Variants in TDRD12 observed in about 807,000 individuals in gnomAD.
TDRD12 encodes the protein putative ATP-dependent RNA helicase TDRD12.
TDRD12 carries 158 observed loss-of-function variants against 133.5 expected under a neutral mutation model. The observed-to-expected ratio is 1.18, with a 90% CI of 1.04 to 1.35. TDRD12 has a LOEUF of 1.35. Among genes scored for constraint, TDRD12 ranks in the 40% most tolerant of loss-of-function variants. The pLI is 0.00. For synonymous variants in TDRD12, 460 were observed against 477.9 expected, an observed-to-expected ratio of 0.96 and a Z score of 0.49; for missense variants, 1,443 against 1,321.3, an observed-to-expected ratio of 1.09 and a Z score of -1.43.
At chr19:32,806,651 C>CTTTATTTATTTA (rs563231946) in intron 21 of TDRD12, among the ~76,000 whole-genome samples, 9 of 150,616 alleles carry the variant, frequency 6.0e-5, no homozygotes, top group African/African-American at 2.0e-4. Flanking sequence ...CAAATACTGA[C>CTTTATTTATTTA]TTTATTTATT....
At chr19:32,732,144 C>T (rs35417602) in intron 2 of TDRD12, among the ~76,000 whole-genome samples, 38,030 of 152,102 alleles carry the variant, frequency 0.25, 5,108 homozygotes, top group Middle Eastern at 0.33. Flanking sequence ...GCTGGAATTA[C>T]AGGCATGGGC....
chr19:32,772,775 G>A (rs1450856110), exon 9 of TDRD12: 34 of 1,512,530 alleles, frequency 2.2e-5, no homozygotes, highest in Non-Finnish European at 2.9e-5. Flanking sequence ...AATGTAATAT[G>A]GATTCATTGA....
intron 6 of TDRD12, among the ~76,000 whole-genome samples, chr19:32,753,544 C>A (rs1003053968): frequency 6.6e-6 from 1 of 151,932 alleles, no homozygotes; most frequent in Admixed American, 6.6e-5. Flanking sequence ...CTTGCTGTCA[C>A]CCAGGCTGGA....
Position 32,800,640 on chromosome 19 carries a change from C to G in TDRD12, c.1951-4C>G, listed in dbSNP as rs1007040801. ...GTCACATTGTTTCTGTGCTTCATTA[C>G]CAGGTAGTACATCTTTGCCTAGAAT... On this transcript the variant is annotated splice_polypyrimidine_tract_variant and splice_region_variant and intron_variant, in intron 17 of 27. Transcript: ENST00000444215. The G allele has an allele frequency of 3.3e-6, 5 of 1,532,216 alleles. No homozygotes were observed. Among genetic ancestry groups the G allele is most frequent in the Non-Finnish European group, 4.4e-6 (5 of 1,145,570 alleles). The allele number at this position is 1,532,216 out of a possible 1,614,324, so 94.9% of individuals were successfully genotyped here.
At chr19:32,765,143 C>T (rs1233125666) in intron 8 of TDRD12, among the ~76,000 whole-genome samples, 1 of 152,198 alleles carries the variant, frequency 6.6e-6, no homozygotes, top group Non-Finnish European at 1.5e-5. Flanking sequence ...AAAAAATGCT[C>T]ATCATTGCTG....
At chr19:32,794,490 G>A in intron 13 of TDRD12, 138 bp from the exon 14 acceptor site, 1 of 597,070 alleles carries the variant, frequency 1.7e-6, no homozygotes, top group East Asian at 2.7e-5. Context: ...AAGATTTGGG[G>A]AAACTTAACA....
At chr19:32,814,581 T>C (rs1224226298) in intron 25 of TDRD12, among the ~76,000 whole-genome samples, 1 of 152,186 alleles carries the variant, frequency 6.6e-6, no homozygotes, top group Non-Finnish European at 1.5e-5. Flanking sequence ...GATGTTGTGA[T>C]AGTATTGTGT....
chr19:32,748,427 C>T, intron 4 of TDRD12, 49 bp from the exon 5 acceptor site: 1 of 1,528,422 alleles, frequency 6.5e-7, no homozygotes, highest in Non-Finnish European at 8.8e-7. Context: ...TGTTGGTGTG[C>T]TAGCCTCAGA....
chr19:32,800,440 CTT>C (rs1971355761), intron 17 of TDRD12, 82 bp downstream of exon 17: 1 of 1,134,428 alleles, frequency 8.8e-7, no homozygotes, highest in African/African-American at 1.6e-5. Context: ...AAGCAAGTAA[CTT>C]TTATTTCATG....
chr19:32,793,994 A>G (rs1971146277), intron 13 of TDRD12, among the ~76,000 whole-genome samples: 1 of 147,444 alleles, frequency 6.8e-6, no homozygotes, highest in Non-Finnish European at 1.5e-5. Context: ...GGGTTTCTGC[A>G]TCTTGGTCAG....
intron 3 of TDRD12, among the ~76,000 whole-genome samples, chr19:32,739,776 TCTCTCTGCATCTCCTGGGTG>T (rs1223849321): frequency 1.2e-4 from 12 of 102,750 alleles, no homozygotes; most frequent in South Asian, 7.4e-4. Context: ...CTCCTGGTGC[TCTCTCTGCATCTCCTGGGTG>T]CTCTCTGCAT....
intron 1 of TDRD12, among the ~76,000 whole-genome samples, chr19:32,728,802 C>T (rs187894285): frequency 9.8e-4 from 139 of 142,550 alleles, no homozygotes; most frequent in African/African-American, 3.4e-3. Flanking sequence ...CCCACCACCA[C>T]ACCTGGCTAT....
intron 14 of TDRD12, among the ~76,000 whole-genome samples, chr19:32,797,182 T>C (rs1026824468): frequency 8.2e-6 from 1 of 121,626 alleles, no homozygotes; most frequent in Non-Finnish European, 2.1e-5. Flanking sequence ...GGTTTCACCA[T>C]ATTGGTCAGG....
intron 11 of TDRD12, among the ~76,000 whole-genome samples, chr19:32,777,921 G>A (rs1970655897): frequency 8.0e-6 from 1 of 125,710 alleles, no homozygotes; most frequent in Non-Finnish European, 1.6e-5. Flanking sequence ...ATGTTACCCA[G>A]GCTGGTCTCA....
intron 11 of TDRD12, among the ~76,000 whole-genome samples, chr19:32,777,499 A>G (rs1355758508): frequency 6.6e-6 from 1 of 152,038 alleles, no homozygotes; most frequent in Non-Finnish European, 1.5e-5. Flanking sequence ...AGTGTCACAA[A>G]TCAAATTAGA....
intron 11 of TDRD12, among the ~76,000 whole-genome samples, chr19:32,783,556 G>A (rs1006918532): frequency 6.6e-6 from 1 of 152,166 alleles, no homozygotes; most frequent in Non-Finnish European, 1.5e-5. Context: ...ACTTTGGGCA[G>A]TAAGACCATT....
At chr19:32,775,390 G>C (rs927528520) in intron 10 of TDRD12, among the ~76,000 whole-genome samples, 1 of 152,080 alleles carries the variant, frequency 6.6e-6, no homozygotes, top group Non-Finnish European at 1.5e-5. Flanking sequence ...AAGTGCAGTG[G>C]AGCAATCATA....
At chr19:32,784,435 A>G (rs2145641039) in intron 11 of TDRD12, among the ~76,000 whole-genome samples, 1 of 152,292 alleles carries the variant, frequency 6.6e-6, no homozygotes, top group East Asian at 1.9e-4. Flanking sequence ...CATCAGGGAA[A>G]TTGGCCTAAA....
chr19:32,809,539 C>T (rs1966925198), intron 22 of TDRD12, among the ~76,000 whole-genome samples: 2 of 152,164 alleles, frequency 1.3e-5, no homozygotes, highest in South Asian at 4.1e-4. Context: ...CGTCTCTGCC[C>T]TCTGCACACT....
Sources: allele counts gnomAD v4.1 joint callset (sites outside exome capture counted in the v4.1 genomes callset), GRCh38; gene constraint gnomAD v4.1.1; transcripts MANE v1.5; gene names NCBI Gene and HGNC (gene_info 2026-07-23, HGNC 2026-07-21).